The following DNAJC11 variants were observed in gnomAD, a reference collection of about 807,000 sequenced individuals.
The protein encoded by DNAJC11 is DnaJ heat shock protein family (Hsp40) member C11.
DNAJC11 carries 15 observed loss-of-function variants against 78.6 expected under a neutral mutation model. That is an observed-to-expected ratio of 0.19 (90% CI 0.13 to 0.29). DNAJC11 has a LOEUF of 0.29. DNAJC11 is among the 10% of genes least tolerant of loss of function. DNAJC11 has a pLI of 1.00. For missense variants in DNAJC11, 547 were observed against 709.6 expected, an observed-to-expected ratio of 0.77 and a Z score of 2.60; for synonymous variants, 292 against 272.1, an observed-to-expected ratio of 1.07 and a Z score of -0.72.
At chr1:6,699,125 C>T (rs1290842141) in intron 1 of DNAJC11, among the ~76,000 whole-genome samples, 1 of 151,766 alleles carries the variant, frequency 6.6e-6, no homozygotes, top group Non-Finnish European at 1.5e-5. Flanking sequence ...CACAGAGAGA[C>T]CCTGTCTCTA....
chr1:6,673,270 T>G (rs1007000517), intron 3 of DNAJC11, among the ~76,000 whole-genome samples: 4 of 122,234 alleles, frequency 3.3e-5, no homozygotes, highest in Non-Finnish European at 6.6e-5. Flanking sequence ...CCGGGCAACA[T>G]AGTGAGACCC....
At chr1:6,697,248 T>G (rs1001391511) in intron 1 of DNAJC11, among the ~76,000 whole-genome samples, 1 of 152,170 alleles carries the variant, frequency 6.6e-6, no homozygotes, top group Non-Finnish European at 1.5e-5. Context: ...TCATTAAAGA[T>G]CATGTGTCTT....
At position 6,645,917 on chromosome 1, in the gene DNAJC11, T is replaced by A. The variant is rs1265656339; in HGVS notation, c.766A>T (p.Thr256Ser). The A allele has an allele frequency of 5.0e-6, 8 of 1,614,024 alleles. No homozygotes were observed. The highest frequency in any genetic ancestry group is 6.8e-6 in the Non-Finnish European group (8 of 1,180,024). The change falls in exon 8 of 16, where the codon ACT becomes TCT. Residue 256 changes from threonine to serine, a missense_variant. By Grantham distance (58) the Thr-to-Ser change is moderately conservative. Transcript: ENST00000377577. The surrounding 1 kb of genome is among the most constrained non-coding windows in gnomAD (Gnocchi z 4.1). ...TTGTCTAGGTTCCGAGCTAGGACAG[T>A]GGTCAGGCCGGGTCGGATTCCACGG... is the stretch of plus-strand genomic sequence containing the variant. The part of the protein sequence containing the change: ...SSRGIRPGLT[T>S]VLARNLDKNT...
At chr1:6,658,574 G>A (rs1421981879) in intron 4 of DNAJC11, among the ~76,000 whole-genome samples, 3 of 151,912 alleles carry the variant, frequency 2.0e-5, no homozygotes, top group Non-Finnish European at 4.4e-5. Context: ...AGCGGGGAGC[G>A]GCAGGGCTTT....
chr1:6,681,151 G>C, intron 1 of DNAJC11, 114 bp from the exon 2 acceptor site: 2 of 1,111,050 alleles, frequency 1.8e-6, no homozygotes, highest in Non-Finnish European at 2.5e-6. Context: ...GTTTGCTCTC[G>C]ACATACAGGA....
intron 14 of DNAJC11, among the ~76,000 whole-genome samples, chr1:6,636,451 A>G (rs1641770366): frequency 6.6e-6 from 1 of 152,206 alleles, no homozygotes; most frequent in South Asian, 2.1e-4. Context: ...ACACTAAGAC[A>G]GGGCCACCAG....
intron 1 of DNAJC11, among the ~76,000 whole-genome samples, chr1:6,695,019 G>A (rs1354548530): frequency 2.0e-5 from 3 of 150,130 alleles, no homozygotes; most frequent in Non-Finnish European, 4.4e-5. Flanking sequence ...GGTGGCAGGT[G>A]CCTGTAGTCC....
intron 1 of DNAJC11, among the ~76,000 whole-genome samples, chr1:6,691,502 G>A (rs962337345): frequency 2.0e-5 from 3 of 152,148 alleles, no homozygotes; most frequent in Non-Finnish European, 2.9e-5. Flanking sequence ...AAAATTGATG[G>A]CTCAGATCCT....
chr1:6,685,119 T>A (rs986292338), intron 1 of DNAJC11, among the ~76,000 whole-genome samples: 74 of 152,180 alleles, frequency 4.9e-4, no homozygotes, highest in Non-Finnish European at 2.9e-5. Flanking sequence ...CAAAAAAATT[T>A]AAAAAAATTA....
chr1:6,635,991 T>G, intron 15 of DNAJC11, 126 bp downstream of exon 15: 1 of 1,350,604 alleles, frequency 7.4e-7, no homozygotes, highest in Non-Finnish European at 9.9e-7. Flanking sequence ...CAAGGGCTAG[T>G]TGGCGTCTCT....
At chr1:6,650,521 G>A (rs957868302) in intron 7 of DNAJC11, among the ~76,000 whole-genome samples, 6 of 151,282 alleles carry the variant, frequency 4.0e-5, no homozygotes, top group Non-Finnish European at 8.8e-5. Flanking sequence ...GACTATGATC[G>A]GACTATTGCA....
intron 12 of DNAJC11, 48 bp from the exon 13 acceptor site, chr1:6,637,552 C>A: frequency 6.2e-7 from 1 of 1,608,218 alleles, no homozygotes; most frequent in Non-Finnish European, 8.5e-7. Context: ...CAGGCCTGTT[C>A]CACCTCTGGT....
intron 4 of DNAJC11, 200 bp from the exon 5 acceptor site, chr1:6,654,239 C>A: frequency 4.1e-6 from 2 of 493,024 alleles, no homozygotes; most frequent in Non-Finnish European, 7.2e-6. Context: ...GCACCACAGA[C>A]GTCCAGAGCT....
At chr1:6,644,999 G>A (rs774217429) in intron 9 of DNAJC11, 42 bp downstream of exon 9, 2 of 1,561,634 alleles carry the variant, frequency 1.3e-6, no homozygotes, top group Non-Finnish European at 1.8e-6. Flanking sequence ...AGACCCGCAT[G>A]CAGTACCAGT....
chr1:6,651,100 A>G (rs1232785691), intron 7 of DNAJC11: 1 of 535,170 alleles, frequency 1.9e-6, no homozygotes, highest in Non-Finnish European at 3.8e-6. Flanking sequence ...AGCAGCAGAG[A>G]CGACAGGAAG....
Position 6,636,335 on chromosome 1 carries a change from G to C in DNAJC11, c.1525-89C>G, listed in dbSNP as rs1482236229. Reference sequence around the variant, plus strand: ...TACCACCGGAGGGGCAGTGTGCACAGGCTCTGACATTCCCTGGGGAGATGC... The same window carrying C: ...TACCACCGGAGGGGCAGTGTGCACACGCTCTGACATTCCCTGGGGAGATGC... On this transcript the variant is annotated intron_variant, in intron 14 of 15. Coordinates refer to ENST00000377577, the MANE Select transcript of DNAJC11 (RefSeq NM_018198.4). The C allele has an allele frequency of 1.7e-5, 26 of 1,528,392 alleles. No individual in the cohort carries two copies. In the South Asian group the frequency reaches 2.6e-4, roughly 15 times the overall value. 94.7% of individuals were successfully genotyped at this position (1,528,392 alleles called of 1,614,324 possible).
intron 1 of DNAJC11, among the ~76,000 whole-genome samples, chr1:6,686,732 T>C (rs893486035): frequency 1.3e-5 from 2 of 152,260 alleles, no homozygotes; most frequent in African/African-American, 4.8e-5. Context: ...TACTTATACC[T>C]ACCATGATGA....
At chr1:6,661,608 C>T (rs980907019) in intron 4 of DNAJC11, among the ~76,000 whole-genome samples, 2 of 152,198 alleles carry the variant, frequency 1.3e-5, no homozygotes, top group African/African-American at 4.8e-5. Flanking sequence ...TTTCTCCTTA[C>T]AAGACAACTT....
intron 4 of DNAJC11, 110 bp downstream of exon 4, chr1:6,667,599 T>C: frequency 1.1e-6 from 1 of 883,248 alleles, no homozygotes; most frequent in South Asian, 1.6e-5. Flanking sequence ...TCCCACCAGC[T>C]TGTATGTTTT....
Sources: allele counts gnomAD v4.1 joint callset (sites outside exome capture counted in the v4.1 genomes callset), GRCh38; gene constraint gnomAD v4.1.1; non-coding constraint Gnocchi (gnomAD v3.1); transcripts MANE v1.5; gene names NCBI Gene and HGNC (gene_info 2026-07-23, HGNC 2026-07-21).